Variants in SFRP1 observed in about 807,000 individuals in gnomAD.
SFRP1 encodes the protein secreted frizzled-related protein 1.
Under a neutral mutation model 25.9 loss-of-function variants are expected in SFRP1, and 9 were observed. The ratio of observed to expected loss-of-function variants is 0.35; its 90% confidence interval spans 0.21 to 0.61. The LOEUF is 0.61. Among genes scored for constraint, SFRP1 ranks in the 20% least tolerant of loss-of-function variants. The probability of loss-of-function intolerance (pLI) is 0.78; values close to 1 mark genes in which losing one functional copy is unlikely to be tolerated. For missense variants in SFRP1, 346 were observed against 418.2 expected (o/e 0.83, Z 1.51); for synonymous variants, 178 against 174.0 (o/e 1.02, Z -0.18).
In SFRP1 at chr8:41,265,318, C is replaced by A. The variant is rs1803421764; in HGVS notation, c.794G>T (p.Ser265Ile). 6.2e-7 allele frequency: 1 copy of A among 1,614,124 alleles called. No homozygotes were observed. The highest frequency in any genetic ancestry group is 1.1e-5 in the South Asian group (1 of 91,082). ...DCPCHQLDNL[S>I]HHFLIMGRKV... ...GCGGCCCATGATGAGGAAGTGGTGG[C>A]TGAGGTTGTCCAGCTGGTGGCAGGG... The change falls in exon 3 of 3, where the codon AGC becomes ATC. Residue 265 changes from serine (S) to isoleucine (I), a missense_variant. By Grantham distance (142) the Ser-to-Ile change is moderately radical. Coordinates refer to ENST00000220772, the MANE Select transcript of SFRP1 (RefSeq NM_003012.5).
chr8:41,289,888 C>G (rs1465739299), intron 2 of SFRP1, among the ~76,000 whole-genome samples: 2 of 152,354 alleles, frequency 1.3e-5, no homozygotes, highest in African/African-American at 4.8e-5. Context: ...GCAGCATGCT[C>G]TAGACAGTGT....
In SFRP1 at chr8:41,303,690, C is replaced by T; in HGVS notation, c.545-152G>A. 4 of 643,660 alleles carry T rather than the reference C, an allele frequency of 6.2e-6. 1 individual carries two copies. The South Asian group carries it at 7.5e-5, about 12-fold the overall frequency. The allele number at this position is 643,660 out of a possible 1,614,324, so 39.9% of individuals were successfully genotyped here. A position where few individuals can be genotyped will look rare whatever the true frequency, so the allele number is the denominator to read the frequency against. ...GGACCTGAGAATTGAAAACAAGAAGCCTTGAGCCCAGGGTCTACAACCAGA... is the reference window on the plus strand; with the variant it reads ...GGACCTGAGAATTGAAAACAAGAAGTCTTGAGCCCAGGGTCTACAACCAGA... On this transcript the variant is annotated intron_variant, in intron 1 of 2. Transcript: ENST00000220772.
chr8:41,301,550 G>A (rs112955509), intron 2 of SFRP1, among the ~76,000 whole-genome samples: 60 of 152,314 alleles, frequency 3.9e-4, no homozygotes, highest in African/African-American at 1.4e-3. Context: ...TACACCATAC[G>A]CACACTAAGG....
chr8:41,299,107 C>G (rs535456089), intron 2 of SFRP1, among the ~76,000 whole-genome samples: 7 of 152,144 alleles, frequency 4.6e-5, no homozygotes, highest in African/African-American at 1.4e-4. Context: ...CCCAACCCCC[C>G]ACCTCCCATG....
Position 41,265,416 on chromosome 8 carries a change from G to A in SFRP1, c.696C>T (p.Pro232=), listed in dbSNP as rs563062641. ...DKKIVPKKKK[P]LKLGPIKKKD... is the part of the protein sequence containing the mutation. The stretch of plus-strand genomic sequence containing the variant: ...TCTTCTTGATGGGCCCCAACTTCAG[G>A]GGCTTCTTCTTCTTGGGGACAATCT... Residue 232 remains proline (P), a synonymous_variant, in exon 3 of 3, where the codon CCC becomes CCT. Transcript: ENST00000220772. The A allele has an allele frequency of 3.1e-6, 5 of 1,612,418 alleles. No individual in the cohort carries two copies. Among genetic ancestry groups the A allele is most frequent in the Non-Finnish European group, 4.2e-6 (5 of 1,179,762 alleles).
intron 2 of SFRP1, among the ~76,000 whole-genome samples, chr8:41,289,865 G>A (rs1357152815): frequency 2.0e-5 from 3 of 152,218 alleles, no homozygotes; most frequent in African/African-American, 7.2e-5. Flanking sequence ...CTCTTCTGGA[G>A]GATAGTGGAT....
intron 2 of SFRP1, among the ~76,000 whole-genome samples, chr8:41,294,446 G>C (rs1234385406): frequency 6.6e-6 from 1 of 152,150 alleles, no homozygotes; most frequent in Non-Finnish European, 1.5e-5. Context: ...GAGAAAACAA[G>C]AGAGAGAAAA....
chr8:41,303,553 A>C lies in SFRP1; in HGVS notation c.545-15T>G. On this transcript the variant is annotated splice_polypyrimidine_tract_variant and intron_variant, in intron 1 of 2. Transcript: ENST00000220772. ...CACCGTTGTGCCTGGGAAAGGAAGT[A>C]GGGAGAAACGGAACTGTAAGTTACA... The C allele has an allele frequency of 6.2e-7, 1 of 1,606,972 alleles. No individual in the cohort carries two copies. Among genetic ancestry groups the C allele is most frequent in the Non-Finnish European group, 8.5e-7 (1 of 1,173,554 alleles).
chr8:41,270,655 C>G (rs148048001), intron 2 of SFRP1, among the ~76,000 whole-genome samples: 41 of 152,090 alleles, frequency 2.7e-4, no homozygotes, highest in African/African-American at 9.4e-4. Context: ...CTGCCCTCAC[C>G]AACTCCAGCA....
At chr8:41,288,054 T>TAA (rs113220723) in intron 2 of SFRP1, among the ~76,000 whole-genome samples, 12,672 of 148,858 alleles carry the variant, frequency 0.085, 673 homozygotes, top group Non-Finnish European at 0.13. Flanking sequence ...CCCGTTTCTA[T>TAA]AAAAAAAAAA....
intron 2 of SFRP1, among the ~76,000 whole-genome samples, chr8:41,282,635 A>G (rs552532078): frequency 6.6e-6 from 1 of 152,092 alleles, no homozygotes; most frequent in East Asian, 1.9e-4. Flanking sequence ...ATGGGAAAGC[A>G]TTTTGAACAT....
At chr8:41,290,717 C>G (rs1341009504) in intron 2 of SFRP1, among the ~76,000 whole-genome samples, 1 of 152,000 alleles carries the variant, frequency 6.6e-6, no homozygotes, top group Non-Finnish European at 1.5e-5. Flanking sequence ...ACAGGCACCA[C>G]CCTGAGCCCT....
chr8:41,306,121 T>C lies in SFRP1; in HGVS notation c.544+2495A>G, dbSNP rs962983876. Reference sequence around the variant, plus strand: ...ATGACTTCCCTAGAAAAAGAGCAATTGCCTCTTCCCTAACAGGAGCTTCTA... The same window carrying C: ...ATGACTTCCCTAGAAAAAGAGCAATCGCCTCTTCCCTAACAGGAGCTTCTA... On this transcript the variant is annotated intron_variant, in intron 1 of 2. Transcript: ENST00000220772. 2.6e-5 allele frequency among the ~76,000 whole-genome samples: 4 copies of C among 152,282 alleles called. No homozygotes were observed. The East Asian group carries it at 7.7e-4, about 29-fold the overall frequency.
chr8:41,269,723 C>G (rs1803479990), intron 2 of SFRP1, among the ~76,000 whole-genome samples: 1 of 152,138 alleles, frequency 6.6e-6, no homozygotes, highest in Middle Eastern at 3.2e-3. Context: ...TGGCCCAGAG[C>G]CAGTCATTTC....
intron 2 of SFRP1, among the ~76,000 whole-genome samples, chr8:41,277,642 G>A (rs1803587555): frequency 1.3e-5 from 2 of 152,186 alleles, no homozygotes; most frequent in Admixed American, 1.3e-4. Context: ...TAGAGACCAG[G>A]TCTCACTCTG....
intron 2 of SFRP1, among the ~76,000 whole-genome samples, chr8:41,279,307 G>A (rs1803606953): frequency 6.6e-6 from 1 of 152,142 alleles, no homozygotes; most frequent in Non-Finnish European, 1.5e-5. Flanking sequence ...CTCCGCTTCA[G>A]CACTAACAAC....
chr8:41,300,805 A>C (rs71521508), intron 2 of SFRP1, among the ~76,000 whole-genome samples: 5,671 of 152,354 alleles, frequency 0.037, 136 homozygotes, highest in Middle Eastern at 0.078. Context: ...GGAAGCCAGC[A>C]GGCAGGCTGG....
At chr8:41,283,996 G>T (rs1373859022) in intron 2 of SFRP1, among the ~76,000 whole-genome samples, 2 of 152,146 alleles carry the variant, frequency 1.3e-5, no homozygotes, top group African/African-American at 4.8e-5. Flanking sequence ...GCTGGGCCAG[G>T]GGACTCTCTG....
intron 2 of SFRP1, among the ~76,000 whole-genome samples, chr8:41,281,021 G>A (rs1460619549): frequency 6.6e-6 from 1 of 152,222 alleles, no homozygotes; most frequent in African/African-American, 2.4e-5. Flanking sequence ...ATCCAGGTTT[G>A]GGGGCCAAGG....
Sources: gnomAD v4.1 joint callset for allele counts (sites outside exome capture counted in the v4.1 genomes callset) on GRCh38, gnomAD v4.1.1 for gene constraint, MANE v1.5 for transcripts, NCBI Gene and HGNC (gene_info 2026-07-23, HGNC 2026-07-21) for gene names.